The following RNLS variants were observed in gnomAD, a reference collection of about 807,000 sequenced individuals.
The protein encoded by RNLS is renalase, FAD dependent amine oxidase, also known as renalase.
Under a neutral mutation model 39.8 loss-of-function variants are expected in RNLS, and 39 were observed. That is an observed-to-expected ratio of 0.98 (90% CI 0.76 to 1.28). The LOEUF (loss-of-function observed/expected upper bound fraction) is 1.28. RNLS is among the 50% of genes most tolerant of loss of function. The probability of loss-of-function intolerance (pLI) is 0.00; values close to 1 mark genes in which losing one functional copy is unlikely to be tolerated. For missense variants in RNLS, 410 were observed against 413.3 expected (o/e 0.99, Z 0.07); for synonymous variants, 147 against 150.7 (o/e 0.98, Z 0.18).
Position 88,284,377 on chromosome 10 carries a change from G to C in RNLS, c.*977C>G. ...CATTTTGCTTTTCAAATTAGCAACA[G>C]GTAGCTGGTTTGGAAGGCTGGAGAT... On this transcript the variant is annotated 3_prime_UTR_variant, in exon 7 of 7. Transcript: ENST00000331772. 1.0e-6 allele frequency: 1 copy of C among 985,394 alleles called. No homozygotes were observed. The highest frequency in any genetic ancestry group is 1.2e-6 in the Non-Finnish European group (1 of 829,912). 61.0% of individuals were successfully genotyped at this position (985,394 alleles called of 1,614,324 possible). A position where few individuals can be genotyped will look rare whatever the true frequency, so the allele number is the denominator to read the frequency against.
chr10:88,518,240 C>CAT (rs1428654879), intron 4 of RNLS, among the ~76,000 whole-genome samples: 1 of 151,818 alleles, frequency 6.6e-6, no homozygotes, highest in Non-Finnish European at 1.5e-5. Context: ...CATATTTACC[C>CAT]ATAACAGTAA....
chr10:88,576,659 G>A (rs561796762), intron 3 of RNLS, among the ~76,000 whole-genome samples: 1 of 152,116 alleles, frequency 6.6e-6, no homozygotes, highest in Non-Finnish European at 1.5e-5. Flanking sequence ...CACCTGCTGG[G>A]AGAAATTTTG....
At chr10:88,239,745 GT>G in the RNLS span, among the ~76,000 whole-genome samples, 6 of 152,286 alleles carry the variant, frequency 3.9e-5, no homozygotes, top group South Asian at 1.2e-3. Flanking sequence ...TGGTAATTTG[GT>G]TTGGTTTATT....
the RNLS span, among the ~76,000 whole-genome samples, chr10:88,211,788 A>G: frequency 2.0e-5 from 3 of 152,214 alleles, no homozygotes; most frequent in Admixed American, 6.5e-5. Flanking sequence ...TTCAAGGTCA[A>G]TGAAGGACTG....
intron 5 of RNLS, among the ~76,000 whole-genome samples, chr10:88,338,240 G>T (rs1847655357): frequency 6.6e-6 from 1 of 152,194 alleles, no homozygotes. Context: ...CAAAATGATG[G>T]AAACGCTTCC....
chr10:88,465,752 T>C (rs969253111), intron 4 of RNLS, among the ~76,000 whole-genome samples: 2 of 152,142 alleles, frequency 1.3e-5, no homozygotes, highest in African/African-American at 4.8e-5. Flanking sequence ...TATTTATTTC[T>C]ACTATTAGTA....
intron 6 of RNLS, among the ~76,000 whole-genome samples, chr10:88,308,540 C>T (rs1249166256): frequency 6.6e-6 from 1 of 151,994 alleles, no homozygotes; most frequent in African/African-American, 2.4e-5. Context: ...AAAAGCTGAA[C>T]ATCGCTGATC....
At chr10:88,211,196 T>A in the RNLS span, among the ~76,000 whole-genome samples, 1 of 152,164 alleles carries the variant, frequency 6.6e-6, no homozygotes, top group Admixed American at 6.6e-5. Flanking sequence ...CATTTAATAA[T>A]GAGATGCTTT....
chr10:88,387,381 G>A (rs1198390748), intron 4 of RNLS, among the ~76,000 whole-genome samples: 1 of 152,020 alleles, frequency 6.6e-6, no homozygotes, highest in East Asian at 1.9e-4. Context: ...GGAATAGAGA[G>A]CTCTGATTGG....
intron 4 of RNLS, among the ~76,000 whole-genome samples, chr10:88,528,808 G>A (rs1049698431): frequency 3.4e-5 from 5 of 145,110 alleles, no homozygotes; most frequent in East Asian, 2.0e-4. Context: ...AGCCAAGACC[G>A]CACCACTGCA....
chr10:88,257,780 G>A, the RNLS span, among the ~76,000 whole-genome samples: 4 of 152,136 alleles, frequency 2.6e-5, no homozygotes, highest in South Asian at 6.2e-4. Flanking sequence ...CTCAGTCTAC[G>A]ATATTATCTT....
chr10:88,390,578 G>A (rs1181176707), intron 4 of RNLS, among the ~76,000 whole-genome samples: 1 of 150,808 alleles, frequency 6.6e-6, no homozygotes, highest in African/African-American at 2.4e-5. Context: ...TTCTTATTGG[G>A]GACCTTTCTT....
chr10:88,575,159 T>TATATACACAC (rs1386414416), intron 3 of RNLS, among the ~76,000 whole-genome samples: 4 of 43,402 alleles, frequency 9.2e-5, no homozygotes, highest in African/African-American at 2.6e-4. Flanking sequence ...TATATATATA[T>TATATACACAC]ACACACACAC....
At chr10:88,281,991 A>AACGC (rs2132609761), downstream of RNLS, among the ~76,000 whole-genome samples, 1 of 152,268 alleles carries the variant, frequency 6.6e-6, no homozygotes, top group Admixed American at 6.5e-5. Context: ...GGAAAGGATG[A>AACGC]ACGCACGGTG....
chr10:88,556,940 C>T (rs918715157), intron 4 of RNLS, among the ~76,000 whole-genome samples: 1 of 151,962 alleles, frequency 6.6e-6, no homozygotes, highest in Admixed American at 6.6e-5. Context: ...AATATTATGC[C>T]TCCTTCCACT....
the RNLS span, among the ~76,000 whole-genome samples, chr10:88,210,509 G>A: frequency 6.6e-6 from 1 of 152,154 alleles, no homozygotes; most frequent in African/African-American, 2.4e-5. Context: ...GCAGCTGGCT[G>A]GGCTGTTTTG....
At chr10:88,474,028 C>T (rs1248341362) in intron 4 of RNLS, among the ~76,000 whole-genome samples, 3 of 152,118 alleles carry the variant, frequency 2.0e-5, no homozygotes, top group Non-Finnish European at 4.4e-5. Flanking sequence ...CTGGCAAATA[C>T]TATGATACAT....
At chr10:88,387,872 C>G (rs964288257) in intron 4 of RNLS, among the ~76,000 whole-genome samples, 1 of 152,104 alleles carries the variant, frequency 6.6e-6, no homozygotes, top group African/African-American at 2.4e-5. Flanking sequence ...GCAATGCAGA[C>G]AGGAGTGAAG....
intron 4 of RNLS, among the ~76,000 whole-genome samples, chr10:88,421,782 G>A (rs1422024392): frequency 6.6e-6 from 1 of 152,044 alleles, no homozygotes; most frequent in African/African-American, 2.4e-5. Context: ...TGTTGCTCCA[G>A]CCAGTCTGAT....
Sources: gnomAD v4.1 joint callset for allele counts (sites outside exome capture counted in the v4.1 genomes callset) on GRCh38, gnomAD v4.1.1 for gene constraint, MANE v1.5 for transcripts, NCBI Gene and HGNC (gene_info 2026-07-23, HGNC 2026-07-21) for gene names.